Variants in GRM7 observed in about 807,000 individuals in gnomAD.
GRM7 encodes the protein glutamate metabotropic receptor 7, also known as metabotropic glutamate receptor 7.
Under a neutral mutation model 84.5 loss-of-function variants are expected in GRM7, and 35 were observed. The ratio of observed to expected loss-of-function variants is 0.41; its 90% confidence interval spans 0.32 to 0.55. The LOEUF (loss-of-function observed/expected upper bound fraction) is 0.55. Among genes scored for constraint, GRM7 ranks in the 20% least tolerant of loss-of-function variants. The pLI is 0.19. For synonymous variants in GRM7, 487 were observed against 455.1 expected (o/e 1.07, Z -0.89); for missense variants, 1,003 against 1,194.6 (o/e 0.84, Z 2.36).
intron 1 of GRM7, among the ~76,000 whole-genome samples, chr3:7,051,762 G>T (rs1190260085): frequency 6.6e-6 from 1 of 151,700 alleles, no homozygotes; most frequent in African/African-American, 2.4e-5. Context: ...CTTGTATTCT[G>T]CAGTAGTTCC....
At chr3:7,193,199 G>A (rs1327839306) in intron 2 of GRM7, among the ~76,000 whole-genome samples, 2 of 152,082 alleles carry the variant, frequency 1.3e-5, no homozygotes, top group Non-Finnish European at 2.9e-5. Flanking sequence ...AAATGGGTTG[G>A]TGCACGGATA....
At chr3:7,136,077 T>C (rs1181103122) in intron 1 of GRM7, among the ~76,000 whole-genome samples, 1 of 152,158 alleles carries the variant, frequency 6.6e-6, no homozygotes, top group Non-Finnish European at 1.5e-5. Context: ...GACTCAATCT[T>C]GTCAACATTT....
Position 6,862,503 on chromosome 3 carries a change from G to A in GRM7, c.519+596G>A, listed in dbSNP as rs1271625258. Among the ~76,000 whole-genome samples, 2 of 152,172 alleles carry A rather than the reference G, an allele frequency of 1.3e-5. No homozygotes were observed. The highest frequency in any genetic ancestry group is 3.9e-4 in the East Asian group (2 of 5,144). Reference sequence around the variant, plus strand: ...TAGCCAGCCTCCGCGAGAGCCCAGGGCGCGAGGTGCTGGGACCTTCCTCAG... The same window carrying A: ...TAGCCAGCCTCCGCGAGAGCCCAGGACGCGAGGTGCTGGGACCTTCCTCAG... On this transcript the variant is annotated intron_variant, in intron 1 of 9. Transcript: ENST00000357716. This position sits in a 1 kb window ranked among gnomAD's most constrained non-coding sequence, Gnocchi z 5.2.
intron 7 of GRM7, 80 bp downstream of exon 7, chr3:7,461,802 C>G: frequency 7.3e-7 from 1 of 1,372,928 alleles, no homozygotes; most frequent in Non-Finnish European, 1.0e-6. Context: ...ACAAATGTTT[C>G]TTGTTTAATG....
At chr3:7,094,480 G>T (rs920858868) in intron 1 of GRM7, among the ~76,000 whole-genome samples, 36 of 152,272 alleles carry the variant, frequency 2.4e-4, no homozygotes, top group African/African-American at 6.3e-4. Context: ...AGAATAACTT[G>T]ATCAAAACCA....
intron 1 of GRM7, among the ~76,000 whole-genome samples, chr3:6,923,906 A>G (rs1697213284): frequency 6.6e-6 from 1 of 152,126 alleles, no homozygotes; most frequent in African/African-American, 2.4e-5. Flanking sequence ...ACATGTTCAC[A>G]TTTTCATTTA....
Position 7,578,779 on chromosome 3 carries a change from G to T in GRM7, c.1873G>T (p.Gly625Trp), listed in dbSNP as rs1695090256. 1.2e-6 allele frequency: 2 copies of T among 1,614,048 alleles called. No individual in the cohort carries two copies. The highest frequency in any genetic ancestry group is 1.7e-6 in the Non-Finnish European group (2 of 1,179,986). Residue 625 changes from glycine (G) to tryptophan (W), a missense_variant, in exon 8 of 10, where the codon GGG (glycine) becomes TGG (tryptophan). Physicochemically the swap from Gly to Trp is radical, Grantham distance 184. This residue lies in a region of GRM7 where 910 missense variants were observed against 1,126.0 expected (regional missense o/e 0.81). Transcript: ENST00000357716. ...TGACACGCCCATTGTCCGGGCATCT[G>T]GGCGGGAACTCAGCTATGTTCTTTT... The part of the protein sequence containing the change: ...YNDTPIVRAS[G>W]RELSYVLLTG...
At chr3:6,876,257 G>A (rs1177088953) in intron 1 of GRM7, among the ~76,000 whole-genome samples, 1 of 151,882 alleles carries the variant, frequency 6.6e-6, no homozygotes, top group African/African-American at 2.4e-5. Context: ...GACAGAGCGA[G>A]GCTCCATCTC....
chr3:6,994,161 G>A (rs750347183), intron 1 of GRM7, among the ~76,000 whole-genome samples: 6 of 152,158 alleles, frequency 3.9e-5, no homozygotes, highest in Non-Finnish European at 5.9e-5. Context: ...AGAGGCCATC[G>A]AAAGAGGCAT....
At chr3:7,457,637 G>A (rs1698073152) in intron 6 of GRM7, among the ~76,000 whole-genome samples, 1 of 152,184 alleles carries the variant, frequency 6.6e-6, no homozygotes, top group Non-Finnish European at 1.5e-5. Flanking sequence ...TCATCAAGAG[G>A]TGAGATTTAT....
At chr3:7,311,716 C>T (rs1274170424) in intron 4 of GRM7, among the ~76,000 whole-genome samples, 1 of 151,880 alleles carries the variant, frequency 6.6e-6, no homozygotes, top group Admixed American at 6.6e-5. Flanking sequence ...GCCTCAGCCT[C>T]CCTGAGTAGC....
At position 7,115,404 on chromosome 3, in the gene GRM7, G is replaced by A. The variant is rs76611291; in HGVS notation, c.520-31048G>A. Among the ~76,000 whole-genome samples the A allele has an allele frequency of 5.0e-4, 76 of 152,202 alleles. No homozygotes were observed. The East Asian group carries it at 0.012, about 24-fold the overall frequency. On this transcript the variant is annotated intron_variant, in intron 1 of 9. Transcript: ENST00000357716. ...TGAAAAAATCCTAGGTGCTCTGAGC[G>A]TGCTAATTTCTTTCTCAAATCCCCC...
intron 4 of GRM7, among the ~76,000 whole-genome samples, chr3:7,401,050 G>A (rs1695427644): frequency 6.6e-6 from 1 of 152,044 alleles, no homozygotes; most frequent in Admixed American, 6.6e-5. Flanking sequence ...TCTTGGAGCA[G>A]AAGTTGTATA....
chr3:7,196,901 T>G (rs1444918527), intron 2 of GRM7, among the ~76,000 whole-genome samples: 1 of 152,180 alleles, frequency 6.6e-6, no homozygotes, highest in African/African-American at 2.4e-5. Context: ...CAGTGAATAC[T>G]GAATACATAA....
intron 8 of GRM7, among the ~76,000 whole-genome samples, chr3:7,677,491 G>T (rs970308269): frequency 2.0e-5 from 3 of 152,100 alleles, no homozygotes; most frequent in Non-Finnish European, 4.4e-5. Context: ...AGATAGACTA[G>T]CTCTAGAATC....
chr3:7,271,417 G>T (rs532096381), intron 2 of GRM7, among the ~76,000 whole-genome samples: 24 of 151,856 alleles, frequency 1.6e-4, no homozygotes, highest in Non-Finnish European at 3.4e-4. Context: ...AAATTAGCCG[G>T]GCGTGGTGGC....
intron 5 of GRM7, among the ~76,000 whole-genome samples, chr3:7,419,576 G>A (rs1323196047): frequency 1.3e-5 from 2 of 152,122 alleles, no homozygotes; most frequent in African/African-American, 2.4e-5. Flanking sequence ...TTTAAACTCA[G>A]AAGGAGGTTC....
chr3:7,036,940 C>T (rs773131594), intron 1 of GRM7, among the ~76,000 whole-genome samples: 1 of 152,138 alleles, frequency 6.6e-6, no homozygotes, highest in African/African-American at 2.4e-5. Context: ...CAGCAATTTA[C>T]GCAAAGAAGA....
At chr3:7,517,976 T>A (rs1051923564) in intron 7 of GRM7, among the ~76,000 whole-genome samples, 2 of 152,224 alleles carry the variant, frequency 1.3e-5, no homozygotes, top group Admixed American at 1.3e-4. Context: ...TGTCGATGTG[T>A]GATGTTTCAC....
Sources: gnomAD v4.1 joint callset for allele counts (sites outside exome capture counted in the v4.1 genomes callset) on GRCh38, gnomAD v4.1.1 for gene constraint, gnomAD v4.1.1 regional missense constraint, Gnocchi (gnomAD v3.1) non-coding constraint, MANE v1.5 for transcripts, NCBI Gene and HGNC (gene_info 2026-07-23, HGNC 2026-07-21) for gene names.